Variants in CTIF observed in about 807,000 individuals in gnomAD.
The protein encoded by CTIF is CBP80/20-dependent translation initiation factor.
In CTIF, 21 loss-of-function variants were observed where a neutral mutation model predicts 66.0. That is an observed-to-expected ratio of 0.32 (90% CI 0.23 to 0.46). CTIF has a LOEUF of 0.46. CTIF is among the 20% of genes least tolerant of loss of function. The pLI is 1.00. For synonymous variants in CTIF, 345 were observed against 326.4 expected (o/e 1.06, Z -0.62); for missense variants, 739 against 812.7 (o/e 0.91, Z 1.10).
Position 48,761,588 on chromosome 18 carries a change from G to C in CTIF, c.1270G>C (p.Asp424His). ...CACAATCTACCAGAAGGCTGTGTCC[G>C]ACCGCAGCTTCGCCTTCACCGCTGC... ...VRTIYQKAVS[D>H]RSFAFTAAKL... Residue 424 changes from aspartate to histidine, a missense_variant, in exon 9 of 12, where the codon GAC (aspartate) becomes CAC (histidine). Asp to His is a moderately conservative substitution (Grantham distance 81). Around this residue, in one of 2 missense-constraint regions of CTIF, gnomAD observed 210 missense variants for 292.3 expected, o/e 0.72. Transcript: ENST00000256413. The surrounding 1 kb of genome is among the most constrained non-coding windows in gnomAD (Gnocchi z 4.2). The C allele has an allele frequency of 6.2e-7, 1 of 1,614,196 alleles. No homozygotes were observed. The highest frequency in any genetic ancestry group is 8.5e-7 in the Non-Finnish European group (1 of 1,180,044).
At chr18:48,812,829 C>T (rs143972424) in intron 9 of CTIF, among the ~76,000 whole-genome samples, 7 of 151,906 alleles carry the variant, frequency 4.6e-5, no homozygotes, top group Admixed American at 2.0e-4. Context: ...AAGGGACTTC[C>T]GGAACACTGT....
intron 9 of CTIF, among the ~76,000 whole-genome samples, chr18:48,812,502 T>C (rs2068278626): frequency 6.6e-6 from 1 of 152,214 alleles, no homozygotes; most frequent in Non-Finnish European, 1.5e-5. Context: ...GACTGTCTTT[T>C]GTTCCTTCGT....
intron 10 of CTIF, among the ~76,000 whole-genome samples, chr18:48,849,785 C>T (rs914013713): frequency 7.9e-5 from 12 of 151,898 alleles, no homozygotes; most frequent in African/African-American, 2.9e-4. Flanking sequence ...GGGGTTTCAC[C>T]ATGTTGGCCA....
At chr18:48,838,772 A>T (rs56214252) in intron 10 of CTIF, among the ~76,000 whole-genome samples, 39,389 of 152,126 alleles carry the variant, frequency 0.26, 5,461 homozygotes, top group African/African-American at 0.36. Context: ...TTGCCAAGGG[A>T]CAGGCAGCAA....
intron 3 of CTIF, among the ~76,000 whole-genome samples, chr18:48,649,250 C>G (rs942886852): frequency 6.6e-6 from 1 of 152,164 alleles, no homozygotes; most frequent in African/African-American, 2.4e-5. Context: ...ACACTCCCAC[C>G]CAAATACTGC....
intron 7 of CTIF, among the ~76,000 whole-genome samples, chr18:48,755,427 G>A (rs1347688798): frequency 2.0e-5 from 3 of 152,218 alleles, no homozygotes; most frequent in Admixed American, 1.3e-4. Context: ...CAGGCATTTG[G>A]GGCTGGGCTG....
chr18:48,853,081 C>T (rs1406958941), intron 10 of CTIF, among the ~76,000 whole-genome samples: 2 of 152,168 alleles, frequency 1.3e-5, no homozygotes, highest in African/African-American at 4.8e-5. Context: ...CACAGACTCT[C>T]AGCTGGGCGA....
intron 7 of CTIF, among the ~76,000 whole-genome samples, chr18:48,733,945 G>A (rs1416975917): frequency 6.6e-6 from 1 of 152,248 alleles, no homozygotes; most frequent in Non-Finnish European, 1.5e-5. Flanking sequence ...TTCAGCAGGG[G>A]TCTTCATTCT....
At chr18:48,721,115 C>A (rs1568163777) in intron 7 of CTIF, among the ~76,000 whole-genome samples, 2 of 152,200 alleles carry the variant, frequency 1.3e-5, no homozygotes, top group African/African-American at 2.4e-5. Flanking sequence ...GAGTACTACT[C>A]TTTCTCGATC....
chr18:48,790,254 C>G (rs1384556845), intron 9 of CTIF, among the ~76,000 whole-genome samples: 1 of 152,202 alleles, frequency 6.6e-6, no homozygotes, highest in Admixed American at 6.5e-5. Flanking sequence ...TTTCTAAGAC[C>G]CAGACTGGGG....
intron 1 of CTIF, among the ~76,000 whole-genome samples, chr18:48,596,231 C>T (rs960377973): frequency 2.0e-5 from 3 of 152,200 alleles, no homozygotes; most frequent in Non-Finnish European, 4.4e-5. Context: ...TTCTTTCTTA[C>T]GTCTACAGGC....
At chr18:48,567,303 G>C (rs958731891) in intron 1 of CTIF, 1 of 152,204 alleles carries the variant, frequency 6.6e-6, no homozygotes, top group African/African-American at 2.4e-5. Context: ...ATGGGTGGAC[G>C]TCCAGCACCC....
chr18:48,782,628 C>T (rs1911336850), intron 9 of CTIF, among the ~76,000 whole-genome samples: 1 of 152,200 alleles, frequency 6.6e-6, no homozygotes, highest in South Asian at 2.1e-4. Context: ...ATCCCAGGCC[C>T]TCAGTGCACC....
rs1317554753 is a variant in CTIF, at chr18:48,852,988, C to T, written c.1528-4600C>T. ...ATGGGGAGGGGTAGGTAACCACATC[C>T]CCCTCACTCTCATCTTTTCAAAGGT... On this transcript the variant is annotated intron_variant, in intron 10 of 11. Transcript: ENST00000256413. Among the ~76,000 whole-genome samples the T allele has an allele frequency of 2.6e-5, 4 of 152,184 alleles. No individual in the cohort carries two copies. In the East Asian group the frequency reaches 7.7e-4, roughly 29 times the overall value.
chr18:48,716,286 C>T (rs371086170), intron 7 of CTIF, among the ~76,000 whole-genome samples: 7 of 152,330 alleles, frequency 4.6e-5, no homozygotes, highest in African/African-American at 1.2e-4. Context: ...GCAACCAGAA[C>T]GCTGTGCATG....
At chr18:48,788,402 G>A (rs1911911143) in intron 9 of CTIF, among the ~76,000 whole-genome samples, 1 of 152,184 alleles carries the variant, frequency 6.6e-6, no homozygotes, top group African/African-American at 2.4e-5. Context: ...TGGGTAAGCT[G>A]TCTCTTCCTC....
intron 6 of CTIF, among the ~76,000 whole-genome samples, chr18:48,697,330 T>C (rs2092021949): frequency 6.6e-6 from 1 of 152,214 alleles, no homozygotes; most frequent in Non-Finnish European, 1.5e-5. Context: ...TAAGTAACTA[T>C]CTAGACCATT....
chr18:48,597,315 G>A (rs1301228678), intron 1 of CTIF, among the ~76,000 whole-genome samples: 1 of 152,228 alleles, frequency 6.6e-6, no homozygotes, highest in African/African-American at 2.4e-5. Flanking sequence ...TCACCAGAAA[G>A]CCAGCCCTGG....
intron 3 of CTIF, among the ~76,000 whole-genome samples, chr18:48,653,958 C>T (rs2091202022): frequency 6.6e-6 from 1 of 152,138 alleles, no homozygotes; most frequent in Admixed American, 6.5e-5. Context: ...TTCCTTACAC[C>T]TTATACAAAA....
Sources: gnomAD v4.1 joint callset for allele counts (sites outside exome capture counted in the v4.1 genomes callset) on GRCh38, gnomAD v4.1.1 for gene constraint, gnomAD v4.1.1 regional missense constraint, Gnocchi (gnomAD v3.1) non-coding constraint, MANE v1.5 for transcripts, NCBI Gene and HGNC (gene_info 2026-07-23, HGNC 2026-07-21) for gene names.